Variants in TCL1A observed in about 807,000 individuals in gnomAD.
TCL1A encodes TCL1 family AKT coactivator A, also known as T-cell leukemia/lymphoma protein 1A.
TCL1A carries 9 observed loss-of-function variants against 16.9 expected under a neutral mutation model. That is an observed-to-expected ratio of 0.53 (90% CI 0.32 to 0.93). TCL1A has a LOEUF of 0.93. Among genes scored for constraint, TCL1A ranks in the 40% least tolerant of loss-of-function variants. The pLI is 0.04. For missense variants in TCL1A, 139 were observed against 153.0 expected (o/e 0.91, Z 0.48); for synonymous variants, 69 against 63.2 (o/e 1.09, Z -0.44).
intron 1 of TCL1A, among the ~76,000 whole-genome samples, chr14:95,713,686 G>A (rs528260515): frequency 5.9e-5 from 9 of 152,296 alleles, no homozygotes; most frequent in East Asian, 5.8e-4. Flanking sequence ...GAAAATGCCT[G>A]CTGTAGTCAA....
At chr14:95,711,716 G>T in intron 3 of TCL1A, 33 bp downstream of exon 3, 1 of 1,610,382 alleles carries the variant, frequency 6.2e-7, no homozygotes, top group Non-Finnish European at 8.5e-7. Flanking sequence ...AGCCACTGTG[G>T]ACTAAGAGGG....
At chr14:95,713,426 A>T (rs1211185940) in intron 1 of TCL1A, among the ~76,000 whole-genome samples, 1 of 152,212 alleles carries the variant, frequency 6.6e-6, no homozygotes, top group Admixed American at 6.5e-5. Context: ...AAAAGTCAAT[A>T]TTGATTCAAT....
intron 1 of TCL1A, among the ~76,000 whole-genome samples, chr14:95,713,477 T>C (rs976659531): frequency 6.6e-6 from 1 of 152,240 alleles, no homozygotes; most frequent in Admixed American, 6.5e-5. Context: ...AAATTTGTTT[T>C]CTAAATAAAG....
At chr14:95,711,873 C>T (rs570392615) in intron 2 of TCL1A, 71 bp from the exon 3 acceptor site, 47 of 1,571,894 alleles carry the variant, frequency 3.0e-5, no homozygotes, top group Admixed American at 8.9e-5. Context: ...CTCACTCCTG[C>T]GCCTTCCCCT....
chr14:95,712,276 C>T lies in TCL1A; in HGVS notation c.241G>A (p.Asp81Asn), dbSNP rs2139720748. The T allele has an allele frequency of 6.2e-7, 1 of 1,614,160 alleles. No individual in the cohort carries two copies. The highest frequency in any genetic ancestry group is 8.5e-7 in the Non-Finnish European group (1 of 1,180,040). ...LLPIMWQLYP[D>N]GRYRSSDSSF... Reference sequence around the variant, plus strand: ...GAGTCTGAGGATCGGTATCGTCCATCAGGGTAGAGCTGCCACATGATAGGC... The same window carrying T: ...GAGTCTGAGGATCGGTATCGTCCATTAGGGTAGAGCTGCCACATGATAGGC... Residue 81 changes from aspartate to asparagine, a missense_variant, in exon 2 of 4, where the codon GAT becomes AAT. This residue lies in a region of TCL1A where 45 missense variants were observed against 72.8 expected (regional missense o/e 0.62). Transcript: ENST00000402399.
At chr14:95,713,838 C>G (rs540551148) in intron 1 of TCL1A, 109 bp downstream of exon 1, 2 of 1,505,904 alleles carry the variant, frequency 1.3e-6, no homozygotes, top group Admixed American at 1.9e-5. Flanking sequence ...TGTGGGGATC[C>G]TCCCTGCCCC....
At chr14:95,712,840 T>C in intron 1 of TCL1A, 1 of 459,786 alleles carries the variant, frequency 2.2e-6, no homozygotes, top group Non-Finnish European at 3.8e-6. Context: ...TTTTCAATGA[T>C]GTGAGGCAAA....
At chr14:95,711,624 C>A in intron 3 of TCL1A, 125 bp downstream of exon 3, 1 of 1,142,380 alleles carries the variant, frequency 8.8e-7, no homozygotes, top group East Asian at 2.6e-5. Context: ...CCTCTCCCAT[C>A]CCTAGGGACC....
intron 2 of TCL1A, 60 bp downstream of exon 2, chr14:95,712,160 A>G: frequency 6.3e-7 from 1 of 1,595,992 alleles, no homozygotes. Flanking sequence ...CACTAAGGCC[A>G]GACATGGAGG....
At chr14:95,713,762 C>G (rs528386453) in intron 1 of TCL1A, among the ~76,000 whole-genome samples, 185 bp downstream of exon 1, 1 of 152,320 alleles carries the variant, frequency 6.6e-6, no homozygotes, top group African/African-American at 2.4e-5. Context: ...GCGGTTTTCC[C>G]ACCCTTCTTC....
At chr14:95,711,258 G>A (rs1316806168) in intron 3 of TCL1A, among the ~76,000 whole-genome samples, 1 of 142,308 alleles carries the variant, frequency 7.0e-6, no homozygotes, top group Non-Finnish European at 1.5e-5. Flanking sequence ...AGGAGATCGA[G>A]ACCATCCTGG....
At chr14:95,712,604 A>G (rs1886389267) in intron 1 of TCL1A, 2 of 1,488,028 alleles carry the variant, frequency 1.3e-6, no homozygotes, top group African/African-American at 1.4e-5. Flanking sequence ...CAGGACCACC[A>G]GCACACACAC....
rs756351534 is a variant in TCL1A, at chr14:95,713,950, G to C, written c.117C>G (p.Ile39Met). ...EKQHAWLPLT[I>M]EIKDRLQLRV... is the part of the protein sequence containing the mutation. The stretch of plus-strand genomic sequence containing the variant: ...TCCGCTCCAAAGCTGGCTGTACCTC[G>C]ATGGTTAAGGGCAGCCAGGCGTGCT... Residue 39 changes from isoleucine (I) to methionine (M), a missense_variant, in exon 1 of 4, where the codon ATC (isoleucine) becomes ATG (methionine). Transcript: ENST00000402399. 6.2e-7 allele frequency: 1 copy of C among 1,613,646 alleles called. No individual in the cohort carries two copies. The highest frequency in any genetic ancestry group is 2.2e-5 in the East Asian group (1 of 44,864).
At chr14:95,712,657 T>G in intron 1 of TCL1A, 1 of 1,435,372 alleles carries the variant, frequency 7.0e-7, no homozygotes, top group Non-Finnish European at 9.2e-7. Context: ...CACACTTTTT[T>G]CTGGCGGGTT....
chr14:95,713,508 C>G (rs2139722964), intron 1 of TCL1A, among the ~76,000 whole-genome samples: 1 of 152,286 alleles, frequency 6.6e-6, no homozygotes, highest in East Asian at 1.9e-4. Context: ...GTGGAAAATA[C>G]TTCACACTCT....
intron 1 of TCL1A, 104 bp downstream of exon 1, chr14:95,713,843 T>A: frequency 6.5e-7 from 1 of 1,529,140 alleles, no homozygotes. Context: ...GGATCCTCCC[T>A]GCCCCATAGT....
At chr14:95,713,130 A>C (rs1290469869) in intron 1 of TCL1A, among the ~76,000 whole-genome samples, 4 of 152,236 alleles carry the variant, frequency 2.6e-5, no homozygotes, top group Non-Finnish European at 5.9e-5. Context: ...TTCCAACCCC[A>C]TTACCTACTA....
chr14:95,712,650 A>G (rs965770879), intron 1 of TCL1A: 8 of 1,450,036 alleles, frequency 5.5e-6, no homozygotes, highest in Non-Finnish European at 6.4e-6. Context: ...TGAAAGGCAC[A>G]CTTTTTTCTG....
At chr14:95,712,868 C>T in intron 1 of TCL1A, 1 of 343,730 alleles carries the variant, frequency 2.9e-6, no homozygotes, top group Non-Finnish European at 5.5e-6. Context: ...CCACAGTTTG[C>T]TAGTGGGTTA....
Sources: gnomAD v4.1 joint callset for allele counts (sites outside exome capture counted in the v4.1 genomes callset) on GRCh38, gnomAD v4.1.1 for gene constraint, gnomAD v4.1.1 regional missense constraint, MANE v1.5 for transcripts, NCBI Gene and HGNC (gene_info 2026-07-23, HGNC 2026-07-21) for gene names.